The following FRMD5 variants were observed in gnomAD, a reference collection of about 807,000 sequenced individuals.
FRMD5 encodes FERM domain containing 5.
In FRMD5, 20 loss-of-function variants were observed where a neutral mutation model predicts 69.0. The observed-to-expected ratio is 0.29, with a 90% CI of 0.20 to 0.42. The LOEUF (loss-of-function observed/expected upper bound fraction) is 0.42, where lower values mean the gene tolerates loss of function less well. Ranked by LOEUF, FRMD5 falls within the 10% of genes least tolerant of loss-of-function variation. The probability of loss-of-function intolerance (pLI) is 1.00; values close to 1 mark genes in which losing one functional copy is unlikely to be tolerated. For synonymous variants in FRMD5, 271 were observed against 260.1 expected (o/e 1.04, Z -0.40); for missense variants, 595 against 708.6 (o/e 0.84, Z 1.82).
intron 10 of FRMD5, 29 bp from the exon 11 acceptor site, chr15:43,885,784 G>C: frequency 6.3e-7 from 1 of 1,589,200 alleles, no homozygotes. Flanking sequence ...CAGTGTGATA[G>C]ACAGCCTGAA....
At chr15:43,958,946 T>C (rs1461037154) in intron 1 of FRMD5, among the ~76,000 whole-genome samples, 1 of 152,168 alleles carries the variant, frequency 6.6e-6, no homozygotes, top group Non-Finnish European at 1.5e-5. Context: ...ATTTGTGTCA[T>C]TCCAGCCCAC....
chr15:44,144,658 A>G (rs2077328509), intron 1 of FRMD5, among the ~76,000 whole-genome samples: 1 of 152,206 alleles, frequency 6.6e-6, no homozygotes, highest in Admixed American at 6.5e-5. Flanking sequence ...TACTGTATCT[A>G]TTTAAAACAC....
Position 43,942,595 on chromosome 15 carries a change from G to A in FRMD5, c.103-18286C>T, listed in dbSNP as rs58410133. ...GACAGCAAAAGACAGGGAGAAGGCTGGGATTAGTATTTAGTGATATCTTAA... is the reference window on the plus strand; with the variant it reads ...GACAGCAAAAGACAGGGAGAAGGCTAGGATTAGTATTTAGTGATATCTTAA... On this transcript the variant is annotated intron_variant, in intron 1 of 13. Coordinates refer to ENST00000417257, the MANE Select transcript of FRMD5 (RefSeq NM_032892.5). Among the ~76,000 whole-genome samples, 71 of 152,266 alleles carry A rather than the reference G, an allele frequency of 4.7e-4. 2 individuals carry two copies. The East Asian group carries it at 0.014, about 29-fold the overall frequency.
chr15:43,949,099 G>A (rs1043092968), intron 1 of FRMD5, among the ~76,000 whole-genome samples: 26 of 152,224 alleles, frequency 1.7e-4, no homozygotes, highest in African/African-American at 6.3e-4. Flanking sequence ...TGGTTAGTAG[G>A]CAAAGCCTGC....
intron 1 of FRMD5, among the ~76,000 whole-genome samples, chr15:44,015,385 T>C (rs4924732): frequency 0.58 from 88,106 of 151,934 alleles, 29,033 homozygotes; most frequent in Non-Finnish European, 0.71. Flanking sequence ...CAAGTAACTC[T>C]TCTGTCTTGG....
At chr15:43,893,139 A>AC (rs1447463130) in intron 7 of FRMD5, among the ~76,000 whole-genome samples, 1 of 152,064 alleles carries the variant, frequency 6.6e-6, no homozygotes, top group Non-Finnish European at 1.5e-5. Context: ...AAAAAAAAAA[A>AC]AAAACATTTT....
At chr15:44,023,658 C>T (rs2140259753) in intron 1 of FRMD5, among the ~76,000 whole-genome samples, 1 of 152,272 alleles carries the variant, frequency 6.6e-6, no homozygotes, top group East Asian at 1.9e-4. Flanking sequence ...TACACATTCC[C>T]ACCAGTGATC....
intron 1 of FRMD5, chr15:44,063,930 CA>C: frequency 3.9e-6 from 1 of 258,260 alleles, no homozygotes; most frequent in Non-Finnish European, 7.6e-6. Flanking sequence ...ATGAGAAGTA[CA>C]AAAACGGCCT....
chr15:43,966,101 C>G (rs577419833), intron 1 of FRMD5, among the ~76,000 whole-genome samples: 1 of 152,062 alleles, frequency 6.6e-6, no homozygotes, highest in East Asian at 2.0e-4. Flanking sequence ...GGGCTGGGTG[C>G]GGTGACTTAC....
rs113465451 is a variant in FRMD5 at position 43,909,700 on chromosome 15, G to A, written c.427+182C>T. On this transcript the variant is annotated intron_variant, in intron 5 of 13. Transcript: ENST00000417257. ...TCACCATGTTGGCCAGTCTGGTCTC[G>A]AACTCCTAACCTCAGGTGATCTGCC... 3.1e-3 allele frequency among the ~76,000 whole-genome samples: 471 copies of A among 152,142 alleles called. 3 individuals carry two copies. Among genetic ancestry groups the A allele is most frequent in the African/African-American group, 0.011 (447 of 41,512 alleles).
At chr15:44,002,414 G>T (rs1001079627) in intron 1 of FRMD5, among the ~76,000 whole-genome samples, 2 of 152,092 alleles carry the variant, frequency 1.3e-5, no homozygotes, top group Non-Finnish European at 2.9e-5. Context: ...TCATTCTGTA[G>T]CAGGATGAGC....
intron 1 of FRMD5, among the ~76,000 whole-genome samples, chr15:44,095,328 G>A (rs543074741): frequency 1.6e-4 from 25 of 151,736 alleles, no homozygotes; most frequent in African/African-American, 4.1e-4. Flanking sequence ...TCAGTTTCCC[G>A]AGTAGCTGGG....
At chr15:44,075,318 G>C (rs1893712927) in intron 1 of FRMD5, among the ~76,000 whole-genome samples, 1 of 152,050 alleles carries the variant, frequency 6.6e-6, no homozygotes, top group Non-Finnish European at 1.5e-5. Flanking sequence ...TTCTAAAGTG[G>C]TGCCAATTTT....
chr15:43,930,756 G>T (rs1461221817), intron 1 of FRMD5, among the ~76,000 whole-genome samples: 1 of 152,212 alleles, frequency 6.6e-6, no homozygotes, highest in East Asian at 1.9e-4. Context: ...TCCTCACTTG[G>T]GTCAGAGAAC....
chr15:44,158,476 C>T (rs1595535486), intron 1 of FRMD5, among the ~76,000 whole-genome samples: 1 of 152,124 alleles, frequency 6.6e-6, no homozygotes, highest in African/African-American at 2.4e-5. Context: ...GTCTTGGAAA[C>T]TGTTCTGGAT....
intron 1 of FRMD5, among the ~76,000 whole-genome samples, chr15:44,160,934 A>G (rs937153330): frequency 6.6e-6 from 1 of 152,160 alleles, no homozygotes; most frequent in African/African-American, 2.4e-5. Context: ...CTTGTTGGGG[A>G]TGCATTAATT....
At chr15:43,936,540 C>A (rs1259705226) in intron 1 of FRMD5, among the ~76,000 whole-genome samples, 1 of 152,074 alleles carries the variant, frequency 6.6e-6, no homozygotes, top group African/African-American at 2.4e-5. Context: ...AGGCTAATTA[C>A]CTGATGAGCT....
intron 1 of FRMD5, among the ~76,000 whole-genome samples, chr15:43,991,256 C>A (rs1889662790): frequency 6.6e-6 from 1 of 152,214 alleles, no homozygotes; most frequent in South Asian, 2.1e-4. Flanking sequence ...CTCCCTTTCT[C>A]CCAGATCCTC....
chr15:43,938,791 G>T (rs942709843), intron 1 of FRMD5, among the ~76,000 whole-genome samples: 1 of 152,136 alleles, frequency 6.6e-6, no homozygotes, highest in Non-Finnish European at 1.5e-5. Flanking sequence ...AGCAAAAAAT[G>T]AGCAGCATTT....
Sources: gnomAD v4.1 joint callset for allele counts (sites outside exome capture counted in the v4.1 genomes callset) on GRCh38, gnomAD v4.1.1 for gene constraint, MANE v1.5 for transcripts, NCBI Gene and HGNC (gene_info 2026-07-23, HGNC 2026-07-21) for gene names.